Variants in NUS1 observed in about 807,000 individuals in gnomAD.
The protein encoded by NUS1 is dehydrodolichyl diphosphate synthase complex subunit NUS1.
For missense variants in NUS1, 292 were observed against 382.9 expected, an observed-to-expected ratio of 0.76 and a Z score of 1.98; for synonymous variants, 135 against 155.2, an observed-to-expected ratio of 0.87 and a Z score of 0.97.
Position 117,694,064 on chromosome 6 carries a change from C to G in NUS1, c.575C>G (p.Ser192Cys). 1 of 1,611,526 alleles carries G rather than the reference C, an allele frequency of 6.2e-7. No homozygotes were observed. The highest frequency in any genetic ancestry group is 8.5e-7 in the Non-Finnish European group (1 of 1,179,020). ...TGCCATTTGGCAGTGAAGGTGCTGT[C>G]TCCGGAAGATGGAAAAGCAGATATT... is the stretch of plus-strand genomic sequence containing the variant. ...LNCHLAVKVL[S>C]PEDGKADIVR... Residue 192 changes from serine to cysteine, a missense_variant, in exon 3 of 5, where the codon TCT (serine) becomes TGT (cysteine). Physicochemically the swap from Ser to Cys is moderately radical, Grantham distance 112 (BLOSUM62 -1). Transcript: ENST00000368494.
At chr6:117,686,105 C>CA (rs1427624425) in intron 1 of NUS1, among the ~76,000 whole-genome samples, 3 of 151,538 alleles carry the variant, frequency 2.0e-5, no homozygotes, top group Non-Finnish European at 2.9e-5. Context: ...ACTAAAAATA[C>CA]AAAAAATTAG....
chr6:117,705,844 A>G (rs562860284), intron 4 of NUS1, among the ~76,000 whole-genome samples: 8 of 152,184 alleles, frequency 5.3e-5, no homozygotes, highest in Non-Finnish European at 8.8e-5. Context: ...ATTATTTCAG[A>G]GGTGTGAATA....
Position 117,707,127 on chromosome 6 carries a change from A to G in NUS1, c.*112A>G. 4.4e-6 allele frequency: 4 copies of G among 900,850 alleles called. No homozygotes were observed. The highest frequency in any genetic ancestry group is 7.1e-6 in the Non-Finnish European group (4 of 563,956). 55.8% of individuals were successfully genotyped at this position (900,850 alleles called of 1,614,324 possible). A position where few individuals can be genotyped will look rare whatever the true frequency, so the allele number is the denominator to read the frequency against. ...TGTACACACCTAGTTCATAATCCTC[A>G]TAATTTATCAACAAACACAAAAAAG... On this transcript the variant is annotated 3_prime_UTR_variant, in exon 5 of 5. Transcript: ENST00000368494.
At chr6:117,678,087 G>A (rs1773009718) in intron 1 of NUS1, among the ~76,000 whole-genome samples, 1 of 152,166 alleles carries the variant, frequency 6.6e-6, no homozygotes, top group Admixed American at 6.5e-5. Context: ...ATGTGATTCA[G>A]AAGTATCCTG....
intron 1 of NUS1, among the ~76,000 whole-genome samples, chr6:117,682,441 A>AATT (rs1773075160): frequency 6.6e-6 from 1 of 152,094 alleles, no homozygotes; most frequent in South Asian, 2.1e-4. Context: ...TCTCTGAAAA[A>AATT]TAAAAATAGA....
At chr6:117,698,363 A>G (rs1773351088) in intron 3 of NUS1, among the ~76,000 whole-genome samples, 1 of 152,138 alleles carries the variant, frequency 6.6e-6, no homozygotes, top group Non-Finnish European at 1.5e-5. Flanking sequence ...ACAGAAATTC[A>G]AAGGATCATT....
At chr6:117,692,961 G>T in intron 1 of NUS1, 81 bp from the exon 2 acceptor site, 1 of 1,134,858 alleles carries the variant, frequency 8.8e-7, no homozygotes, top group Non-Finnish European at 1.3e-6. Flanking sequence ...TCTGGATCTA[G>T]TGTTGTTTTC....
At chr6:117,686,605 T>G (rs1467814277) in intron 1 of NUS1, among the ~76,000 whole-genome samples, 1 of 152,226 alleles carries the variant, frequency 6.6e-6, no homozygotes, top group Non-Finnish European at 1.5e-5. Context: ...TTGAGTATTT[T>G]CAAGTGTTTT....
chr6:117,702,722 T>A (rs1166062967), intron 3 of NUS1, among the ~76,000 whole-genome samples: 1 of 152,158 alleles, frequency 6.6e-6, no homozygotes, highest in Non-Finnish European at 1.5e-5. Flanking sequence ...TAGAAGGACT[T>A]TGTTATGGAA....
intron 1 of NUS1, among the ~76,000 whole-genome samples, chr6:117,686,871 T>C (rs915252642): frequency 4.0e-5 from 6 of 151,088 alleles, no homozygotes; most frequent in Non-Finnish European, 8.9e-5. Flanking sequence ...TGTGTGTGTG[T>C]GTGTGTGTGT....
At chr6:117,678,843 T>A (rs958464821) in intron 1 of NUS1, among the ~76,000 whole-genome samples, 2 of 152,014 alleles carry the variant, frequency 1.3e-5, no homozygotes, top group Non-Finnish European at 2.9e-5. Flanking sequence ...CACCCCGCCC[T>A]GCTAATTTTT....
intron 3 of NUS1, 28 bp downstream of exon 3, chr6:117,694,208 T>G: frequency 8.1e-7 from 1 of 1,239,372 alleles, no homozygotes. Context: ...TATATACATA[T>G]ATATGTATAT....
intron 1 of NUS1, among the ~76,000 whole-genome samples, chr6:117,682,195 C>T (rs1174631148): frequency 6.6e-6 from 1 of 152,186 alleles, no homozygotes; most frequent in African/African-American, 2.4e-5. Flanking sequence ...ACTGTTCCAT[C>T]CCCAGTCTTA....
At position 117,703,587 on chromosome 6, in the gene NUS1, T is replaced by C; in HGVS notation, c.692-18T>C. ...ATGCAGTGCATGTTAAGTTCATGTG[T>C]ATTTATTTATTTCCAAGGTTCAAAT... On this transcript the variant is annotated intron_variant, in intron 3 of 4. Transcript: ENST00000368494. 6.4e-7 allele frequency: 1 copy of C among 1,569,412 alleles called. No homozygotes were observed. The highest frequency in any genetic ancestry group is 8.8e-7 in the Non-Finnish European group (1 of 1,139,544).
intron 3 of NUS1, among the ~76,000 whole-genome samples, chr6:117,695,053 G>C (rs1371182636): frequency 6.6e-6 from 1 of 151,740 alleles, no homozygotes; most frequent in East Asian, 1.9e-4. Flanking sequence ...AATTAGCCAG[G>C]CATGGTGGCT....
At chr6:117,676,244 C>T (rs575745603) in intron 1 of NUS1, among the ~76,000 whole-genome samples, 159 bp downstream of exon 1, 1 of 152,388 alleles carries the variant, frequency 6.6e-6, no homozygotes, top group South Asian at 2.1e-4. Context: ...TGAACACCTA[C>T]TAATTCTCTG....
At chr6:117,688,078 C>T (rs1773165594) in intron 1 of NUS1, among the ~76,000 whole-genome samples, 1 of 152,144 alleles carries the variant, frequency 6.6e-6, no homozygotes. Context: ...AAAAAATTAG[C>T]TGGGCACAGT....
chr6:117,703,490 T>C (rs1773457768), intron 3 of NUS1, 115 bp from the exon 4 acceptor site: 1 of 748,032 alleles, frequency 1.3e-6, no homozygotes, highest in South Asian at 1.6e-5. Context: ...AGAAAACAGG[T>C]AGTTTAAAGA....
chr6:117,690,602 A>G (rs561990423), intron 1 of NUS1, among the ~76,000 whole-genome samples: 30 of 152,280 alleles, frequency 2.0e-4, no homozygotes, highest in East Asian at 7.7e-4. Context: ...AATCACTTCT[A>G]TAGTAATCCT....
Sources: gnomAD v4.1 joint callset for allele counts (sites outside exome capture counted in the v4.1 genomes callset) on GRCh38, gnomAD v4.1.1 for gene constraint, MANE v1.5 for transcripts, NCBI Gene and HGNC (gene_info 2026-07-23, HGNC 2026-07-21) for gene names.